The following TCF4 variants were observed in gnomAD, a reference collection of about 807,000 sequenced individuals.
TCF4 encodes SL3-3 enhancer factor 2.
A neutral mutation model predicts 82.1 loss-of-function variants in TCF4; 3 were observed. That is an observed-to-expected ratio of 0.04 (90% CI 0.02 to 0.09). The LOEUF (loss-of-function observed/expected upper bound fraction) is 0.09. Among genes scored for constraint, TCF4 ranks in the 10% least tolerant of loss-of-function variants. The pLI, the probability that TCF4 is intolerant of heterozygous loss-of-function variation, is 1.00. For synonymous variants in TCF4, 276 were observed against 309.6 expected (o/e 0.89, Z 1.14); for missense variants, 518 against 852.7 (o/e 0.61, Z 4.89).
At chr18:55,359,291 TTTA>T (rs2084443211) in intron 6 of TCF4, among the ~76,000 whole-genome samples, 1 of 152,232 alleles carries the variant, frequency 6.6e-6, no homozygotes, top group Admixed American at 6.5e-5. Flanking sequence ...TTTCTTTTTG[TTTA>T]TTATTATTTC....
intron 3 of TCF4, among the ~76,000 whole-genome samples, chr18:55,485,725 A>G (rs138897506): frequency 2.8e-4 from 42 of 152,330 alleles, no homozygotes; most frequent in African/African-American, 9.9e-4. Flanking sequence ...TACACAGACT[A>G]AGGACTGCAG....
intron 5 of TCF4, among the ~76,000 whole-genome samples, chr18:55,432,291 A>T (rs2095225162): frequency 6.6e-6 from 1 of 152,196 alleles, no homozygotes; most frequent in African/African-American, 2.4e-5. Context: ...CGACAGAGTG[A>T]GACTCTGTCT....
At chr18:55,324,038 C>T (rs376759063) in intron 8 of TCF4, among the ~76,000 whole-genome samples, 2 of 152,208 alleles carry the variant, frequency 1.3e-5, no homozygotes, top group East Asian at 1.9e-4. Context: ...AATTGAAGCT[C>T]TCATTTCTTT....
chr18:55,291,298 A>G (rs1267354655), intron 8 of TCF4, among the ~76,000 whole-genome samples: 2 of 152,170 alleles, frequency 1.3e-5, no homozygotes, highest in African/African-American at 4.8e-5. Flanking sequence ...TTTGTTAAAG[A>G]TATCTAATAG....
At chr18:55,442,828 A>C (rs560315975) in intron 5 of TCF4, among the ~76,000 whole-genome samples, 1 of 152,352 alleles carries the variant, frequency 6.6e-6, no homozygotes, top group East Asian at 1.9e-4. Flanking sequence ...CGTGCAAAGA[A>C]CTTTATCACA....
At chr18:55,447,570 A>G (rs531230550) in intron 5 of TCF4, among the ~76,000 whole-genome samples, 1 of 152,332 alleles carries the variant, frequency 6.6e-6, no homozygotes, top group South Asian at 2.1e-4. Flanking sequence ...CCAAAGACTC[A>G]TTTGAGTATT....
intron 3 of TCF4, among the ~76,000 whole-genome samples, chr18:55,562,032 A>G (rs1000237376): frequency 1.3e-5 from 2 of 152,218 alleles, no homozygotes; most frequent in African/African-American, 4.8e-5. Flanking sequence ...TCTACAAACT[A>G]CAGTCCCCTG....
chr18:55,390,286 T>TAAAAAAAAAAAAAA (rs56965997), intron 6 of TCF4, among the ~76,000 whole-genome samples: 21 of 82,206 alleles, frequency 2.6e-4, no homozygotes, highest in East Asian at 4.1e-4. Context: ...CCCTGACTCT[T>TAAAAAAAAAAAAAA]AAAAAAAAAA....
chr18:55,588,507 C>G, upstream of TCF4: 1 of 1,535,096 alleles, frequency 6.5e-7, no homozygotes. Context: ...AATCTGAAGC[C>G]TGAACAGTTC....
At chr18:55,496,502 C>A (rs964520025) in intron 3 of TCF4, 4 of 151,270 alleles carry the variant, frequency 2.6e-5, no homozygotes, top group African/African-American at 4.9e-5. Flanking sequence ...AATGCATGAA[C>A]AGTTCCTCTC....
At chr18:55,325,508 AC>A (rs2076401224) in intron 8 of TCF4, among the ~76,000 whole-genome samples, 1 of 152,208 alleles carries the variant, frequency 6.6e-6, no homozygotes, top group Admixed American at 6.5e-5. Context: ...CTACACACAC[AC>A]AAACTGCCCT....
chr18:55,458,362 T>C (rs2095807482), intron 5 of TCF4, among the ~76,000 whole-genome samples: 2 of 152,232 alleles, frequency 1.3e-5, no homozygotes, highest in Non-Finnish European at 2.9e-5. Flanking sequence ...TGCTAAAGTC[T>C]ACTACCTTCT....
At chr18:55,497,222 G>C (rs2145935912) in intron 3 of TCF4, among the ~76,000 whole-genome samples, 1 of 152,246 alleles carries the variant, frequency 6.6e-6, no homozygotes, top group Non-Finnish European at 1.5e-5. Context: ...TGTGTACCTA[G>C]TTTCTGAATC....
chr18:55,338,750 G>A lies in TCF4; in HGVS notation c.549+11609C>T, dbSNP rs1479182721. On this transcript the variant is annotated intron_variant, in intron 8 of 19. Transcript: ENST00000354452. ...TTTGCTAAATGTACGGAATCTGACTGTAACCTGGTTTAACCTCTGAATGTG... is the reference window on the plus strand; with the variant it reads ...TTTGCTAAATGTACGGAATCTGACTATAACCTGGTTTAACCTCTGAATGTG... Among the ~76,000 whole-genome samples the A allele has an allele frequency of 3.9e-5, 6 of 152,134 alleles. No individual in the cohort carries two copies. In the South Asian group the frequency reaches 1.0e-3, roughly 26 times the overall value.
intron 10 of TCF4, among the ~76,000 whole-genome samples, chr18:55,275,275 G>GACAAAA (rs1555795910): frequency 4.2e-5 from 3 of 71,376 alleles, no homozygotes; most frequent in Non-Finnish European, 2.7e-5. Flanking sequence ...ACTACAGATA[G>GACAAAA]AAAAAAAAAA....
At chr18:55,562,631 T>C (rs2097365004) in intron 3 of TCF4, among the ~76,000 whole-genome samples, 2 of 152,208 alleles carry the variant, frequency 1.3e-5, no homozygotes, top group South Asian at 2.1e-4. Context: ...GGGCACACCC[T>C]ACCAGTCCAA....
At chr18:55,280,324 T>G (rs191619632) in intron 8 of TCF4, among the ~76,000 whole-genome samples, 1 of 152,166 alleles carries the variant, frequency 6.6e-6, no homozygotes, top group Non-Finnish European at 1.5e-5. Context: ...TATATTTGTG[T>G]GTACAATAAA....
rs139870092 is a variant in TCF4 at position 55,569,212 on chromosome 18, CAA to C, written c.145+16066_145+16067del. Among the ~76,000 whole-genome samples the C allele has an allele frequency of 2.8e-3, 361 of 129,094 alleles. 1 individual carries two copies. The highest frequency in any genetic ancestry group is 3.9e-3 in the Middle Eastern group (1 of 258). The allele number at this position is 129,094 out of a possible 152,430, so 84.7% of individuals were successfully genotyped here. On this transcript the variant is annotated intron_variant, in intron 3 of 19. Coordinates refer to ENST00000354452, the MANE Select transcript of TCF4 (RefSeq NM_001083962.2). ...AAGGTCATATATAGCACAGTAAAGA[CAA>C]AAAAAAAAAAAGGCCAAGTATTGGG...
intron 15 of TCF4, among the ~76,000 whole-genome samples, chr18:55,244,533 T>C (rs1260619179): frequency 6.6e-6 from 1 of 152,198 alleles, no homozygotes; most frequent in Non-Finnish European, 1.5e-5. Flanking sequence ...CACTTACTTA[T>C]TAATACTTAT....
Sources: allele counts gnomAD v4.1 joint callset (sites outside exome capture counted in the v4.1 genomes callset), GRCh38; gene constraint gnomAD v4.1.1; transcripts MANE v1.5; gene names NCBI Gene and HGNC (gene_info 2026-07-23, HGNC 2026-07-21).